NELL1: variants seen among roughly 807,000 people sequenced by gnomAD.
NELL1 encodes protein kinase C-binding protein NELL1.
NELL1 carries 76 observed loss-of-function variants against 107.4 expected under a neutral mutation model. The observed-to-expected ratio is 0.71, with a 90% CI of 0.59 to 0.86. The LOEUF (loss-of-function observed/expected upper bound fraction) is 0.86. NELL1 is among the 40% of genes least tolerant of loss of function. NELL1 has a pLI of 0.00. For missense variants in NELL1, 1,024 were observed against 1,005.5 expected, an observed-to-expected ratio of 1.02 and a Z score of -0.25; for synonymous variants, 353 against 341.2, an observed-to-expected ratio of 1.03 and a Z score of -0.38.
chr11:21,161,993 CA>C (rs1437634882), intron 13 of NELL1, among the ~76,000 whole-genome samples: 1 of 123,520 alleles, frequency 8.1e-6, no homozygotes, highest in Non-Finnish European at 1.6e-5. Flanking sequence ...CTCTGTTGCC[CA>C]GGCTGGAGTG....
intron 13 of NELL1, among the ~76,000 whole-genome samples, chr11:21,128,167 T>C (rs575869938): frequency 1.3e-5 from 2 of 152,290 alleles, no homozygotes; most frequent in South Asian, 2.1e-4. Context: ...TCTGTAATCT[T>C]AATAAATATC....
At chr11:21,464,129 G>A (rs1853967185) in intron 15 of NELL1, among the ~76,000 whole-genome samples, 1 of 151,878 alleles carries the variant, frequency 6.6e-6, no homozygotes, top group African/African-American at 2.4e-5. Context: ...ACCTAGCTTT[G>A]GAAATCAAAT....
chr11:20,679,304 A>G (rs1243282796), intron 2 of NELL1, among the ~76,000 whole-genome samples: 2 of 152,212 alleles, frequency 1.3e-5, no homozygotes, highest in Non-Finnish European at 2.9e-5. Context: ...AACTGACCAG[A>G]TACCATAGTA....
intron 13 of NELL1, among the ~76,000 whole-genome samples, chr11:21,211,793 G>T (rs1857502879): frequency 6.6e-6 from 1 of 151,858 alleles, no homozygotes; most frequent in Non-Finnish European, 1.5e-5. Context: ...AATAATAACT[G>T]CACGGTTCTG....
At chr11:20,925,409 T>A (rs1850472757) in intron 7 of NELL1, among the ~76,000 whole-genome samples, 1 of 151,032 alleles carries the variant, frequency 6.6e-6, no homozygotes, top group Non-Finnish European at 1.5e-5. Context: ...GCCTCCAGAG[T>A]AGCTGGTGGT....
At chr11:21,434,998 A>G (rs896967696) in intron 15 of NELL1, among the ~76,000 whole-genome samples, 1 of 152,148 alleles carries the variant, frequency 6.6e-6, no homozygotes, top group Non-Finnish European at 1.5e-5. Context: ...ATTGGTGTAT[A>G]TAAATACTAC....
At chr11:21,170,157 T>G (rs1209926876) in intron 13 of NELL1, 1 of 653,134 alleles carries the variant, frequency 1.5e-6, no homozygotes, top group East Asian at 2.6e-5. Context: ...AATACATGAC[T>G]GGGATGTGAT....
At chr11:21,454,948 C>A (rs1279261970) in intron 15 of NELL1, among the ~76,000 whole-genome samples, 3 of 152,210 alleles carry the variant, frequency 2.0e-5, no homozygotes, top group African/African-American at 7.2e-5. Flanking sequence ...GATATTTAGT[C>A]CATAACAGTG....
chr11:21,522,117 C>A (rs1855740024), intron 15 of NELL1, among the ~76,000 whole-genome samples: 1 of 152,022 alleles, frequency 6.6e-6, no homozygotes, highest in Admixed American at 6.6e-5. Context: ...GCCTGTAGTC[C>A]CAGCTGCTGG....
chr11:21,076,922 A>G (rs2134387943), intron 12 of NELL1, among the ~76,000 whole-genome samples: 1 of 152,186 alleles, frequency 6.6e-6, no homozygotes, highest in Non-Finnish European at 1.5e-5. Flanking sequence ...TGAGATCCTC[A>G]CCAGTTGCAG....
At chr11:21,565,686 A>C (rs1391965286) in intron 17 of NELL1, among the ~76,000 whole-genome samples, 1 of 151,918 alleles carries the variant, frequency 6.6e-6, no homozygotes, top group African/African-American at 2.4e-5. Context: ...ACAGTGGAAA[A>C]TCATTGTTAT....
At chr11:20,874,359 C>T (rs1432457594) in intron 4 of NELL1, among the ~76,000 whole-genome samples, 1 of 152,194 alleles carries the variant, frequency 6.6e-6, no homozygotes, top group African/African-American at 2.4e-5. Context: ...TGAGCCACCT[C>T]GCCCGGCCTA....
chr11:21,573,522 T>C, intron 19 of NELL1, 113 bp downstream of exon 19: 1 of 895,048 alleles, frequency 1.1e-6, no homozygotes. Flanking sequence ...TGGTGGAAAC[T>C]CTGGCATACA....
intron 14 of NELL1, among the ~76,000 whole-genome samples, chr11:21,303,134 C>A (rs116174711): frequency 7.0e-6 from 1 of 143,046 alleles, no homozygotes; most frequent in African/African-American, 2.5e-5. Flanking sequence ...TCTATCTATA[C>A]ACATACATAC....
At chr11:20,891,927 C>T (rs10833409) in intron 5 of NELL1, among the ~76,000 whole-genome samples, 88,242 of 152,010 alleles carry the variant, frequency 0.58, 30,421 homozygotes, top group Non-Finnish European at 0.78. Context: ...GAGACTTTAA[C>T]ACCCCACTGT....
At chr11:20,897,788 A>G (rs1849780038) in intron 5 of NELL1, among the ~76,000 whole-genome samples, 2 of 152,258 alleles carry the variant, frequency 1.3e-5, no homozygotes, top group Admixed American at 1.3e-4. Context: ...AAAAGAAGAC[A>G]TTTATGCAGC....
chr11:20,881,667 C>T (rs1171875624), intron 4 of NELL1, among the ~76,000 whole-genome samples: 1 of 152,004 alleles, frequency 6.6e-6, no homozygotes, highest in African/African-American at 2.4e-5. Context: ...AGTGTAGTGT[C>T]TCCTTTGGAA....
chr11:21,442,827 A>G (rs1853317878), intron 15 of NELL1, among the ~76,000 whole-genome samples: 1 of 152,174 alleles, frequency 6.6e-6, no homozygotes, highest in Admixed American at 6.5e-5. Flanking sequence ...GGCAAGGCCA[A>G]AAGTGTAAAC....
intron 12 of NELL1, among the ~76,000 whole-genome samples, chr11:20,972,490 G>T (rs919970825): frequency 8.5e-5 from 13 of 152,076 alleles, no homozygotes; most frequent in Non-Finnish European, 1.6e-4. Flanking sequence ...GTGTGGGGTG[G>T]TATAGGAAAT....
Sources: gnomAD v4.1 joint callset for allele counts (sites outside exome capture counted in the v4.1 genomes callset) on GRCh38, gnomAD v4.1.1 for gene constraint, MANE v1.5 for transcripts, NCBI Gene and HGNC (gene_info 2026-07-23, HGNC 2026-07-21) for gene names.